The following KMT2E variants were observed in gnomAD, a reference collection of about 807,000 sequenced individuals.
KMT2E encodes lysine methyltransferase 2E (inactive), also known as histone reader KMT2E.
Under a neutral mutation model 184.6 loss-of-function variants are expected in KMT2E, and 30 were observed. That is an observed-to-expected ratio of 0.16 (90% CI 0.12 to 0.22). The LOEUF is 0.22. KMT2E is among the 10% of genes least tolerant of loss of function. The probability of loss-of-function intolerance (pLI) is 1.00; values close to 1 mark genes in which losing one functional copy is unlikely to be tolerated. For missense variants in KMT2E, 2,023 were observed against 2,237.4 expected (o/e 0.90, Z 1.93); for synonymous variants, 815 against 776.5 (o/e 1.05, Z -0.82).
intron 1 of KMT2E, among the ~76,000 whole-genome samples, chr7:105,023,422 A>AAAAAAAAAAAAAC (rs71155546): frequency 6.9e-6 from 1 of 145,188 alleles, no homozygotes; most frequent in African/African-American, 2.6e-5. Context: ...AAAAAAAAAA[A>AAAAAAAAAAAAAC]GAGAGACAAA....
rs73184076 is a variant in KMT2E at position 105,048,605 on chromosome 7, T to C, written c.71+7582T>C. Among the ~76,000 whole-genome samples, 782 of 152,330 alleles carry C rather than the reference T, an allele frequency of 5.1e-3. 5 individuals are homozygous for C. Among genetic ancestry groups the C allele is most frequent in the Non-Finnish European group, 7.1e-3 (482 of 68,024 alleles). Reference sequence around the variant, plus strand: ...CGTGTGTGTTATTGAAAATCCTCTTTTACTTGCCTAATTATTTTGGAATTT... The same window carrying C: ...CGTGTGTGTTATTGAAAATCCTCTTCTACTTGCCTAATTATTTTGGAATTT... On this transcript the variant is annotated intron_variant, in intron 3 of 26. Transcript: ENST00000311117.
intron 5 of KMT2E, among the ~76,000 whole-genome samples, chr7:105,066,370 C>G (rs1797027398): frequency 6.6e-6 from 1 of 151,948 alleles, no homozygotes; most frequent in South Asian, 2.1e-4. Context: ...TTACTATTTC[C>G]CAAACGAGGT....
chr7:105,042,359 T>C (rs1795918854), intron 3 of KMT2E, among the ~76,000 whole-genome samples: 1 of 140,764 alleles, frequency 7.1e-6, no homozygotes, highest in African/African-American at 2.9e-5. Flanking sequence ...TAAACAATTT[T>C]TTCTTATAAT....
At chr7:105,075,901 A>AT (rs1797506856) in intron 8 of KMT2E, 142 bp from the exon 9 acceptor site, 2 of 647,406 alleles carry the variant, frequency 3.1e-6, no homozygotes, top group Admixed American at 2.9e-5. Flanking sequence ...TTTATTAAAC[A>AT]TTCTCCTAGT....
rs1230122307 is a variant in KMT2E at position 105,023,421 on chromosome 7, A to AAAAAAAAAAG, written c.-189+8887_-189+8888insAAAAAAAAGA. On this transcript the variant is annotated intron_variant, in intron 1 of 26. Coordinates refer to ENST00000311117, the MANE Select transcript of KMT2E (RefSeq NM_182931.3). ...CTGTCTCAAAAAAAAAAAAAAAAAA[A>AAAAAAAAAAG]AGAGAGACAAAAATTCATTAAGCAA... 6.0e-5 allele frequency among the ~76,000 whole-genome samples: 9 copies of AAAAAAAAAAG among 149,864 alleles called. No homozygotes were observed. The East Asian group carries it at 1.4e-3, about 23-fold the overall frequency.
At chr7:105,036,188 T>G (rs1251883469) in intron 1 of KMT2E, among the ~76,000 whole-genome samples, 18 of 143,064 alleles carry the variant, frequency 1.3e-4, no homozygotes, top group Admixed American at 2.1e-4. Context: ...TTTTTTTTTG[T>G]TTTTTTTTTT....
intron 3 of KMT2E, among the ~76,000 whole-genome samples, chr7:105,057,009 GC>G (rs1796592479): frequency 6.6e-6 from 1 of 152,156 alleles, no homozygotes; most frequent in Admixed American, 6.5e-5. Flanking sequence ...TGTTAGCAGA[GC>G]ACAAAAATAA....
At chr7:105,084,124 A>G (rs112252972) in intron 13 of KMT2E, among the ~76,000 whole-genome samples, 1 of 152,094 alleles carries the variant, frequency 6.6e-6, no homozygotes, top group Non-Finnish European at 1.5e-5. Context: ...TGGCTCCACA[A>G]ATTTCCTTTT....
At chr7:105,089,300 G>C (rs1383200160) in intron 13 of KMT2E, 2 of 413,122 alleles carry the variant, frequency 4.8e-6, no homozygotes, top group Non-Finnish European at 9.6e-6. Context: ...CTGGGTTCAG[G>C]CAATTCTCCT....
chr7:105,071,608 A>ATATATATATATATATATATTT, intron 6 of KMT2E, among the ~76,000 whole-genome samples: 1 of 31,880 alleles, frequency 3.1e-5, no homozygotes, highest in Non-Finnish European at 5.3e-5. Context: ...ATATATATAT[A>ATATATATATATATATATATTT]TTTTTTTTTT....
At chr7:105,079,511 C>CTTTTTTTTTTTTTT (rs66734303) in intron 12 of KMT2E, among the ~76,000 whole-genome samples, 5 of 62,336 alleles carry the variant, frequency 8.0e-5, no homozygotes, top group Admixed American at 4.6e-4. Flanking sequence ...ATTGGACTTC[C>CTTTTTTTTTTTTTT]TTTTTTTTTT....
chr7:105,054,490 ATCT>A (rs1562894792), intron 3 of KMT2E, among the ~76,000 whole-genome samples: 1 of 150,572 alleles, frequency 6.6e-6, no homozygotes, highest in Non-Finnish European at 1.5e-5. Context: ...CTATCTATCT[ATCT>A]ATCTATCTAT....
chr7:105,031,069 A>G (rs1016785372), intron 1 of KMT2E, among the ~76,000 whole-genome samples: 4 of 152,262 alleles, frequency 2.6e-5, no homozygotes, highest in Admixed American at 6.5e-5. Context: ...AAAGAATGAC[A>G]GAATAGGCTG....
intron 8 of KMT2E, 34 bp downstream of exon 8, chr7:105,074,849 G>C: frequency 6.7e-7 from 1 of 1,487,762 alleles, no homozygotes; most frequent in Admixed American, 2.2e-5. Flanking sequence ...TGAGTGGATA[G>C]GATAGCGGAT....
intron 13 of KMT2E, among the ~76,000 whole-genome samples, chr7:105,085,707 G>A (rs141731682): frequency 7.0e-4 from 102 of 145,734 alleles, no homozygotes; most frequent in Admixed American, 1.2e-3. Flanking sequence ...TTTTGGAGAC[G>A]GAGTCTCGCT....
At chr7:105,071,594 ATATATATATATATATTTTTTTTTTTT>A (rs1325746425) in intron 6 of KMT2E, among the ~76,000 whole-genome samples, 6 of 59,302 alleles carry the variant, frequency 1.0e-4, no homozygotes, top group Admixed American at 4.0e-4. Flanking sequence ...ATATATATAT[ATATATATATATATATTTTTTTTTTTT>A]TTTTTTTTTT....
At chr7:105,099,713 A>G (rs944161394) in intron 15 of KMT2E, among the ~76,000 whole-genome samples, 6 of 152,180 alleles carry the variant, frequency 3.9e-5, no homozygotes, top group East Asian at 1.9e-4. Flanking sequence ...TACACATACA[A>G]TGATTTTTGC....
intron 3 of KMT2E, among the ~76,000 whole-genome samples, chr7:105,042,755 A>G (rs1251502227): frequency 6.6e-6 from 1 of 152,262 alleles, no homozygotes; most frequent in East Asian, 1.9e-4. Context: ...ACGTATTTTC[A>G]TACAAATATT....
At chr7:105,048,037 T>G (rs865847149) in intron 3 of KMT2E, among the ~76,000 whole-genome samples, 8 of 152,082 alleles carry the variant, frequency 5.3e-5, no homozygotes, top group South Asian at 2.1e-4. Context: ...TCCTTTTTTT[T>G]GGGGGGTGGA....
Sources: allele counts gnomAD v4.1 joint callset (sites outside exome capture counted in the v4.1 genomes callset), GRCh38; gene constraint gnomAD v4.1.1; transcripts MANE v1.5; gene names NCBI Gene and HGNC (gene_info 2026-07-23, HGNC 2026-07-21).